Variants in MYO10 observed in about 807,000 individuals in gnomAD.
MYO10 encodes myosin X.
A neutral mutation model predicts 257.3 loss-of-function variants in MYO10; 133 were observed. The ratio of observed to expected loss-of-function variants is 0.52; its 90% CI spans 0.45 to 0.60. MYO10 has a LOEUF of 0.60. Among genes scored for constraint, MYO10 ranks in the 20% least tolerant of loss-of-function variants. MYO10 has a pLI of 0.00. For missense variants in MYO10, 2,399 were observed against 2,635.7 expected (o/e 0.91, Z 1.97); for synonymous variants, 1,104 against 1,028.6 (o/e 1.07, Z -1.40).
At chr5:16,880,359 T>C (rs1471368249) in intron 1 of MYO10, among the ~76,000 whole-genome samples, 1 of 151,218 alleles carries the variant, frequency 6.6e-6, no homozygotes, top group Non-Finnish European at 1.5e-5. Flanking sequence ...ATCCCAATAT[T>C]GAGGTGGAAC....
chr5:16,846,823 A>G (rs1743647698), intron 2 of MYO10, among the ~76,000 whole-genome samples: 1 of 152,256 alleles, frequency 6.6e-6, no homozygotes, highest in African/African-American at 2.4e-5. Context: ...ACAGGGCATT[A>G]AAAGTTATTT....
intron 19 of MYO10, among the ~76,000 whole-genome samples, chr5:16,720,962 G>A (rs369382370): frequency 2.6e-5 from 4 of 152,288 alleles, no homozygotes; most frequent in East Asian, 3.9e-4. Context: ...TACTGTATGT[G>A]TGGGGCAGGG....
intron 1 of MYO10, among the ~76,000 whole-genome samples, chr5:16,931,047 G>A (rs995229082): frequency 3.9e-5 from 6 of 152,164 alleles, no homozygotes; most frequent in African/African-American, 9.7e-5. Context: ...CAAGGCAGGC[G>A]GATCACCTGA....
At chr5:16,747,386 G>A (rs571693818) in intron 19 of MYO10, among the ~76,000 whole-genome samples, 4 of 143,570 alleles carry the variant, frequency 2.8e-5, no homozygotes, top group Admixed American at 2.7e-4. Context: ...TCGCACAGTT[G>A]AGCACTCACA....
In MYO10 at chr5:16,909,505, C is replaced by CAA. The variant is rs36053061; in HGVS notation, c.21+26281_21+26282dup. Among the ~76,000 whole-genome samples the CAA allele has an allele frequency of 1.1e-3, 122 of 107,564 alleles. No homozygotes were observed. In the East Asian group the frequency reaches 0.027, roughly 24 times the overall value. The allele number at this position is 107,564 out of a possible 152,430, so 70.6% of individuals were successfully genotyped here. ...CAGCCAACAGAGCGAAACTCCAACTCAAAAAAAAAAAAAAAAAACCATCAG... is the reference window on the plus strand; with the variant it reads ...CAGCCAACAGAGCGAAACTCCAACTCAAAAAAAAAAAAAAAAAAAACCATCAG... On this transcript the variant is annotated intron_variant, in intron 1 of 40. Transcript: ENST00000513610.
intron 2 of MYO10, among the ~76,000 whole-genome samples, chr5:16,829,726 C>T (rs1743108893): frequency 6.6e-6 from 1 of 152,110 alleles, no homozygotes. Flanking sequence ...AGTGGAGATG[C>T]CACACAACAA....
At chr5:16,909,645 G>A (rs888895624) in intron 1 of MYO10, among the ~76,000 whole-genome samples, 1 of 152,108 alleles carries the variant, frequency 6.6e-6, no homozygotes, top group Non-Finnish European at 1.5e-5. Context: ...GATTATGGGA[G>A]CTACAATTCA....
chr5:16,748,293 G>A (rs1458845973), intron 19 of MYO10, among the ~76,000 whole-genome samples: 1 of 152,018 alleles, frequency 6.6e-6, no homozygotes, highest in East Asian at 1.9e-4. Context: ...CACCCAGGCG[G>A]GAGTGCAGTG....
Position 16,669,142 on chromosome 5 carries a change from G to GA in MYO10, c.5884-675dup, listed in dbSNP as rs1305424069. 2.0e-5 allele frequency among the ~76,000 whole-genome samples: 3 copies of GA among 152,270 alleles called. No homozygotes were observed. The South Asian group carries it at 6.2e-4, about 32-fold the overall frequency. ...AGGAGGGCTATAAATTGGAGACGCT[G>GA]AAAAGAGTCTCTAGTTTATATCCCT... On this transcript the variant is annotated intron_variant, in intron 39 of 40. Coordinates refer to ENST00000513610, the MANE Select transcript of MYO10 (RefSeq NM_012334.3).
rs143739592 is a variant in MYO10, at chr5:16,847,892, G to T, written c.120+29717C>A. On this transcript the variant is annotated intron_variant, in intron 2 of 40. Coordinates refer to ENST00000513610, the MANE Select transcript of MYO10 (RefSeq NM_012334.3). ...AGTCTGGGCAACATAGCAAGACCCT[G>T]TCTCTAAAAAAATAATAAAGTTACT... 7.7e-4 allele frequency among the ~76,000 whole-genome samples: 118 copies of T among 152,266 alleles called. 1 individual carries two copies. Among genetic ancestry groups the T allele is most frequent in the African/African-American group, 2.8e-3 (117 of 41,556 alleles).
rs947957772 is a variant in MYO10, at chr5:16,819,729, G to A, written c.121-1562C>T. Among the ~76,000 whole-genome samples the A allele has an allele frequency of 2.0e-5, 3 of 152,150 alleles. No individual in the cohort carries two copies. The South Asian group carries it at 6.2e-4, about 32-fold the overall frequency. On this transcript the variant is annotated intron_variant, in intron 2 of 40. Transcript: ENST00000513610. ...ACTGGCTGCCTACATGGCAACAAAT[G>A]GTATGTTATTGCAAAGGAGAATGAC...
intron 19 of MYO10, among the ~76,000 whole-genome samples, chr5:16,744,820 T>A (rs1740137864): frequency 6.6e-6 from 1 of 152,020 alleles, no homozygotes; most frequent in Non-Finnish European, 1.5e-5. Context: ...ACAAGAGCTT[T>A]GAGATGGTAT....
chr5:16,731,496 T>C (rs1739580684), intron 19 of MYO10, among the ~76,000 whole-genome samples: 1 of 151,716 alleles, frequency 6.6e-6, no homozygotes, highest in Admixed American at 6.6e-5. Flanking sequence ...TACAGGTGTG[T>C]GCCACCATGC....
At chr5:16,764,456 C>T in intron 11 of MYO10, 60 bp from the exon 12 acceptor site, 1 of 1,589,088 alleles carries the variant, frequency 6.3e-7, no homozygotes, top group Non-Finnish European at 8.6e-7. Flanking sequence ...CAGGCAAGGC[C>T]ATCCATTCCC....
chr5:16,744,465 G>T (rs1004309973), intron 19 of MYO10, among the ~76,000 whole-genome samples: 1 of 152,086 alleles, frequency 6.6e-6, no homozygotes, highest in Non-Finnish European at 1.5e-5. Flanking sequence ...TCTGCACCTG[G>T]GTGGCTGTGC....
intron 2 of MYO10, 75 bp from the exon 3 acceptor site, chr5:16,818,242 C>A: frequency 8.0e-7 from 1 of 1,256,380 alleles, no homozygotes; most frequent in Non-Finnish European, 1.1e-6. Context: ...CCCAAACTGA[C>A]AATACAATCT....
In MYO10 at chr5:16,680,111, T is replaced by C. The variant is rs1026270393; in HGVS notation, c.4385-7A>G. 5 of 1,606,248 alleles carry C rather than the reference T, an allele frequency of 3.1e-6. No individual in the cohort carries two copies. The highest frequency in any genetic ancestry group is 4.3e-6 in the Non-Finnish European group (5 of 1,174,058). On this transcript the variant is annotated splice_region_variant and splice_polypyrimidine_tract_variant and intron_variant, in intron 32 of 40. Transcript: ENST00000513610. ...ACGGTGACGTTCCAGTAGCCTGCAATGGCAGGGGTGCCCAGCACACGCACG... is the reference window on the plus strand; with the variant it reads ...ACGGTGACGTTCCAGTAGCCTGCAACGGCAGGGGTGCCCAGCACACGCACG...
At chr5:16,673,387 A>G (rs79884093) in intron 36 of MYO10, among the ~76,000 whole-genome samples, 9,670 of 152,204 alleles carry the variant, frequency 0.064, 1,023 homozygotes, top group African/African-American at 0.22. Context: ...AACCCTCATC[A>G]AAGTGGCTGG....
chr5:16,935,936 T>C lies in MYO10; in HGVS notation c.-128A>G, dbSNP rs866219400. On this transcript the variant is annotated 5_prime_UTR_variant, in exon 1 of 41. Coordinates refer to ENST00000513610, the MANE Select transcript of MYO10 (RefSeq NM_012334.3). ...AGGACGCGCGCCCGCGGGGCTCCCC[T>C]GCTGCCATCGCCCGGTCCCTTCTTG... The C allele has an allele frequency of 8.8e-7, 1 of 1,134,398 alleles. No individual in the cohort carries two copies. Among genetic ancestry groups the C allele is most frequent in the Middle Eastern group, 2.6e-4 (1 of 3,788 alleles). The allele number at this position is 1,134,398 out of a possible 1,614,324, so 70.3% of individuals were successfully genotyped here.
Sources: allele counts gnomAD v4.1 joint callset (sites outside exome capture counted in the v4.1 genomes callset), GRCh38; gene constraint gnomAD v4.1.1; transcripts MANE v1.5; gene names NCBI Gene and HGNC (gene_info 2026-07-23, HGNC 2026-07-21).